The following NELL1 variants were observed in gnomAD, a reference collection of about 807,000 sequenced individuals.
NELL1 encodes neural EGFL like 1, also known as protein kinase C-binding protein NELL1.
Under a neutral mutation model 107.4 loss-of-function variants are expected in NELL1, and 76 were observed. That is an observed-to-expected ratio of 0.71 (90% confidence interval 0.59 to 0.86). NELL1 has a LOEUF of 0.86. NELL1 is among the 40% of genes least tolerant of loss of function. The pLI, the probability that NELL1 is intolerant of heterozygous loss-of-function variation, is 0.00. For synonymous variants in NELL1, 353 were observed against 341.2 expected (o/e 1.03, Z -0.38); for missense variants, 1,024 against 1,005.5 (o/e 1.02, Z -0.25).
intron 15 of NELL1, among the ~76,000 whole-genome samples, chr11:21,372,177 A>G (rs950751366): frequency 1.1e-4 from 17 of 152,116 alleles, no homozygotes; most frequent in African/African-American, 4.1e-4. Flanking sequence ...GAATTACCAC[A>G]TAGAGCTAAA....
At chr11:21,273,460 C>T (rs990544245) in intron 14 of NELL1, among the ~76,000 whole-genome samples, 2 of 152,144 alleles carry the variant, frequency 1.3e-5, no homozygotes, top group South Asian at 4.1e-4. Context: ...GAGAAAGGAA[C>T]CAAGTTGGAA....
chr11:20,798,515 CT>C (rs1857219489), intron 3 of NELL1, among the ~76,000 whole-genome samples: 1 of 36,316 alleles, frequency 2.8e-5, no homozygotes, highest in Non-Finnish European at 1.3e-4. Context: ...TTTAAAAAAA[CT>C]CTTCTTTGAC....
At chr11:21,157,743 A>C (rs552522879) in intron 13 of NELL1, among the ~76,000 whole-genome samples, 1 of 152,334 alleles carries the variant, frequency 6.6e-6, no homozygotes, top group South Asian at 2.1e-4. Flanking sequence ...TCTTCCATGC[A>C]ACATCTTGCC....
chr11:20,875,721 T>C (rs939629990), intron 4 of NELL1, among the ~76,000 whole-genome samples: 2 of 152,238 alleles, frequency 1.3e-5, no homozygotes, highest in Non-Finnish European at 2.9e-5. Flanking sequence ...CTCAGAATGA[T>C]ATCTGGATCG....
chr11:20,869,525 G>T (rs1407801881), intron 4 of NELL1, among the ~76,000 whole-genome samples: 1 of 152,180 alleles, frequency 6.6e-6, no homozygotes, highest in Non-Finnish European at 1.5e-5. Context: ...TAGGGAGATG[G>T]CTGTGTACAG....
intron 4 of NELL1, among the ~76,000 whole-genome samples, chr11:20,874,128 C>A (rs976931784): frequency 5.9e-5 from 9 of 152,126 alleles, no homozygotes; most frequent in Non-Finnish European, 1.0e-4. Context: ...AGTGCAATGG[C>A]ACGATCACGG....
At chr11:21,411,577 G>A (rs1852377320) in intron 15 of NELL1, among the ~76,000 whole-genome samples, 1 of 152,046 alleles carries the variant, frequency 6.6e-6, no homozygotes, top group Non-Finnish European at 1.5e-5. Flanking sequence ...AGATGAGTGA[G>A]ACCCTTACCT....
At position 20,960,248 on chromosome 11, in the gene NELL1, C is replaced by T. The variant is rs115030630; in HGVS notation, c.1172-184C>T. 1.1e-3 allele frequency among the ~76,000 whole-genome samples: 161 copies of T among 152,262 alleles called. 1 individual carries two copies. The highest frequency in any genetic ancestry group is 3.6e-3 in the African/African-American group (151 of 41,560). On this transcript the variant is annotated intron_variant, in intron 11 of 19. Transcript: ENST00000357134. ...AGTATGGGTGGGGGAAAGCCTCTTA[C>T]GCCTTGGACAGCCCAAAGTTTCCTA... is the stretch of plus-strand genomic sequence containing the variant.
chr11:21,344,230 A>C (rs1026570409), intron 14 of NELL1, among the ~76,000 whole-genome samples: 4 of 152,214 alleles, frequency 2.6e-5, no homozygotes, highest in Admixed American at 6.5e-5. Context: ...AACTAAGTAC[A>C]GTAATAGAAT....
chr11:20,858,161 A>G (rs1848916880), intron 4 of NELL1, among the ~76,000 whole-genome samples: 9 of 152,166 alleles, frequency 5.9e-5, no homozygotes, highest in Admixed American at 5.9e-4. Flanking sequence ...CAGCAGAGTT[A>G]CAAGAGATAT....
chr11:21,380,374 A>G (rs1331271605), intron 15 of NELL1, among the ~76,000 whole-genome samples: 1 of 152,040 alleles, frequency 6.6e-6, no homozygotes, highest in African/African-American at 2.4e-5. Flanking sequence ...GGTTTGAAGA[A>G]TTTCCTGTCC....
intron 4 of NELL1, among the ~76,000 whole-genome samples, chr11:20,851,483 T>A (rs1459847683): frequency 6.6e-6 from 1 of 152,130 alleles, no homozygotes; most frequent in African/African-American, 2.4e-5. Flanking sequence ...ACCTTTTATA[T>A]TAAGAGTTGG....
At chr11:21,358,253 A>G (rs996430530) in intron 14 of NELL1, among the ~76,000 whole-genome samples, 3 of 152,182 alleles carry the variant, frequency 2.0e-5, no homozygotes, top group Admixed American at 2.0e-4. Flanking sequence ...GATTTTCACA[A>G]TATTGATTCT....
chr11:20,949,996 T>C (rs1851039162), intron 11 of NELL1, among the ~76,000 whole-genome samples: 1 of 152,184 alleles, frequency 6.6e-6, no homozygotes, highest in Admixed American at 6.5e-5. Flanking sequence ...TTGACTGCTC[T>C]ACATTTGGAC....
intron 15 of NELL1, among the ~76,000 whole-genome samples, chr11:21,511,336 T>A (rs1328018450): frequency 3.9e-5 from 6 of 152,234 alleles, no homozygotes; most frequent in African/African-American, 1.4e-4. Flanking sequence ...AGAGTTACTA[T>A]TTGGCTTATT....
intron 12 of NELL1, among the ~76,000 whole-genome samples, chr11:21,067,593 G>A (rs1853907402): frequency 6.6e-6 from 1 of 152,178 alleles, no homozygotes; most frequent in Non-Finnish European, 1.5e-5. Flanking sequence ...TGGGGAAAAA[G>A]ATGTGTTAAC....
chr11:21,008,159 G>T (rs1852370436), intron 12 of NELL1, among the ~76,000 whole-genome samples: 1 of 152,104 alleles, frequency 6.6e-6, no homozygotes, highest in African/African-American at 2.4e-5. Context: ...AATAATTACA[G>T]ACTGATCACA....
intron 4 of NELL1, among the ~76,000 whole-genome samples, chr11:20,848,475 T>C (rs926521901): frequency 5.9e-5 from 9 of 152,102 alleles, no homozygotes; most frequent in Admixed American, 5.2e-4. Flanking sequence ...TGGATAATGG[T>C]GTTCAAGGGG....
intron 15 of NELL1, among the ~76,000 whole-genome samples, chr11:21,424,886 C>A (rs998359139): frequency 6.6e-6 from 1 of 152,066 alleles, no homozygotes; most frequent in South Asian, 2.1e-4. Flanking sequence ...ATGACAAAAT[C>A]AAGCTTTTCC....
Sources: allele counts gnomAD v4.1 joint callset (sites outside exome capture counted in the v4.1 genomes callset), GRCh38; gene constraint gnomAD v4.1.1; transcripts MANE v1.5; gene names NCBI Gene and HGNC (gene_info 2026-07-23, HGNC 2026-07-21).